KCTD20: variants seen among roughly 807,000 people sequenced by gnomAD.
KCTD20 encodes the protein BTB/POZ domain-containing protein KCTD20.
A neutral mutation model predicts 39.6 loss-of-function variants in KCTD20; 30 were observed. The ratio of observed to expected loss-of-function variants is 0.76; its 90% confidence interval spans 0.57 to 1.03. The LOEUF (loss-of-function observed/expected upper bound fraction) is 1.03, where lower values mean the gene tolerates loss of function less well. Ranked by LOEUF, KCTD20 falls within the 50% of genes least tolerant of loss-of-function variation. The probability of loss-of-function intolerance (pLI) is 0.00; values close to 1 mark genes in which losing one functional copy is unlikely to be tolerated. For synonymous variants in KCTD20, 162 were observed against 180.6 expected (o/e 0.90, Z 0.83); for missense variants, 422 against 522.0 (o/e 0.81, Z 1.87).
intron 3 of KCTD20, among the ~76,000 whole-genome samples, chr6:36,475,444 C>T (rs1220400089): frequency 4.7e-5 from 7 of 149,592 alleles, no homozygotes; most frequent in African/African-American, 9.9e-5. Context: ...GCAAGACTCC[C>T]GTCTCAAAAA....
intron 1 of KCTD20, among the ~76,000 whole-genome samples, chr6:36,460,505 A>G (rs931511271): frequency 4.6e-5 from 7 of 152,150 alleles, no homozygotes; most frequent in Non-Finnish European, 8.8e-5. Context: ...GGGTTTCACC[A>G]TGTTGGCCAG....
intron 6 of KCTD20, 113 bp from the exon 7 acceptor site, chr6:36,484,601 G>A: frequency 1.7e-6 from 1 of 575,784 alleles, no homozygotes; most frequent in Non-Finnish European, 3.1e-6. Context: ...GATCCATCTG[G>A]ATTATTTGGG....
intron 2 of KCTD20, among the ~76,000 whole-genome samples, chr6:36,471,457 C>A (rs1341527714): frequency 2.0e-5 from 3 of 152,152 alleles, no homozygotes; most frequent in African/African-American, 7.2e-5. Flanking sequence ...AGACTGACCA[C>A]AAGCCTAAAA....
intron 1 of KCTD20, among the ~76,000 whole-genome samples, chr6:36,455,546 C>T (rs2127433236): frequency 6.6e-6 from 1 of 152,202 alleles, no homozygotes; most frequent in Non-Finnish European, 1.5e-5. Flanking sequence ...TTGGGCTTAA[C>T]TTATTTGCTT....
chr6:36,468,886 T>G (rs576323153), intron 1 of KCTD20, among the ~76,000 whole-genome samples: 1 of 152,344 alleles, frequency 6.6e-6, no homozygotes, highest in South Asian at 2.1e-4. Flanking sequence ...ATCCATCCTA[T>G]CAAAGTGGTC....
At chr6:36,457,439 GACTC>G (rs1278885200) in intron 1 of KCTD20, among the ~76,000 whole-genome samples, 1 of 152,166 alleles carries the variant, frequency 6.6e-6, no homozygotes, top group African/African-American at 2.4e-5. Context: ...CGGGTACGGG[GACTC>G]ACGCCTATAA....
At chr6:36,479,473 A>T (rs528417185) in intron 4 of KCTD20, 118 bp from the exon 5 acceptor site, 3 of 946,112 alleles carry the variant, frequency 3.2e-6, no homozygotes, top group Non-Finnish European at 4.7e-6. Flanking sequence ...TGAATCATCC[A>T]ATTTGGTGAT....
chr6:36,479,170 G>A lies in KCTD20; in HGVS notation c.484G>A (p.Gly162Arg), dbSNP rs1649527104. 1.2e-6 allele frequency: 2 copies of A among 1,613,944 alleles called. No homozygotes were observed. Among genetic ancestry groups the A allele is most frequent in the South Asian group, 2.2e-5 (2 of 91,078 alleles). ...EYNFTRPNEK[G>R]EYEIAEGISA... is the part of the protein sequence containing the mutation. ...CAACTTCACTCGGCCCAATGAGAAG[G>A]GAGAGTATGAGATTGCTGAAGGCAT... The change falls in exon 4 of 8, where the codon GGA (glycine) becomes AGA (arginine). Residue 162 changes from glycine to arginine, a missense_variant. Transcript: ENST00000373731.
At chr6:36,453,665 C>T (rs1775339026) in intron 1 of KCTD20, among the ~76,000 whole-genome samples, 1 of 151,976 alleles carries the variant, frequency 6.6e-6, no homozygotes. Flanking sequence ...CAGGCATGCA[C>T]CACCACACCT....
chr6:36,450,056 T>C (rs184026488), intron 1 of KCTD20, among the ~76,000 whole-genome samples: 1 of 149,286 alleles, frequency 6.7e-6, no homozygotes, highest in African/African-American at 2.5e-5. Flanking sequence ...CCCAGCTACT[T>C]GGGAGGCTGA....
At chr6:36,478,259 C>T (rs1002334336) in intron 3 of KCTD20, among the ~76,000 whole-genome samples, 1 of 152,090 alleles carries the variant, frequency 6.6e-6, no homozygotes, top group African/African-American at 2.4e-5. Context: ...AGCTGCCTGC[C>T]CTATCCTTTG....
chr6:36,458,579 G>T lies in KCTD20; in HGVS notation c.-46-11473G>T, dbSNP rs6918232. 1.9e-3 allele frequency among the ~76,000 whole-genome samples: 276 copies of T among 148,500 alleles called. 1 individual carries two copies. Among genetic ancestry groups the T allele is most frequent in the African/African-American group, 6.5e-3 (261 of 40,294 alleles). On this transcript the variant is annotated intron_variant, in intron 1 of 7. Transcript: ENST00000373731. ...AAAAAAAGAAAAGAAAGAAAGGTCT[G>T]GCTATGTTGCCCAGGCTGGTCTTGA...
chr6:36,479,703 A>C lies in KCTD20; in HGVS notation c.650A>C (p.Gln217Pro). 1 of 1,607,172 alleles carries C rather than the reference A, an allele frequency of 6.2e-7. No homozygotes were observed. Among genetic ancestry groups the C allele is most frequent in the Non-Finnish European group, 8.5e-7 (1 of 1,178,278 alleles). Reference sequence around the variant, plus strand: ...TTTGACTTCAACACTATCCGATGTCAAGATCTGAGTAAGTACAGGAGCAGG... The same window carrying C: ...TTTGACTTCAACACTATCCGATGTCCAGATCTGAGTAAGTACAGGAGCAGG... ...INFDFNTIRC[Q>P]DLSALLHELS... Residue 217 changes from glutamine (Q) to proline (P), a missense_variant, in exon 5 of 8, where the codon CAA (glutamine) becomes CCA (proline). Transcript: ENST00000373731.
intron 1 of KCTD20, among the ~76,000 whole-genome samples, chr6:36,444,605 A>G (rs1774983062): frequency 6.6e-6 from 1 of 152,110 alleles, no homozygotes; most frequent in African/African-American, 2.4e-5. Context: ...CTTGACTGTC[A>G]TATTATCTGG....
chr6:36,445,279 A>G (rs1242937420), intron 1 of KCTD20, among the ~76,000 whole-genome samples: 2 of 151,996 alleles, frequency 1.3e-5, no homozygotes, highest in Non-Finnish European at 2.9e-5. Context: ...AAAAAAAAAA[A>G]AAATCTGTAA....
intron 1 of KCTD20, among the ~76,000 whole-genome samples, chr6:36,452,999 CTTTTTTTTTTTTTT>C (rs59865602): frequency 1.7e-5 from 1 of 58,158 alleles, no homozygotes; most frequent in African/African-American, 7.0e-5. Context: ...GTTTTCTTAG[CTTTTTTTTTTTTTT>C]TTTTTTTTTT....
chr6:36,445,248 T>A (rs1775003775), intron 1 of KCTD20, among the ~76,000 whole-genome samples: 1 of 118,888 alleles, frequency 8.4e-6, no homozygotes. Flanking sequence ...GGCAACAGAG[T>A]GAGACTCCGT....
intron 1 of KCTD20, among the ~76,000 whole-genome samples, chr6:36,452,352 T>C (rs986749698): frequency 2.6e-5 from 4 of 152,186 alleles, no homozygotes; most frequent in African/African-American, 4.8e-5. Flanking sequence ...CTTTACTAGA[T>C]ATAGGACTTT....
At chr6:36,468,173 A>C (rs370452810) in intron 1 of KCTD20, among the ~76,000 whole-genome samples, 47 of 152,346 alleles carry the variant, frequency 3.1e-4, no homozygotes, top group South Asian at 1.2e-3. Context: ...AAGTGCTGAG[A>C]AAGTTACTTT....
Sources: gnomAD v4.1 joint callset for allele counts (sites outside exome capture counted in the v4.1 genomes callset) on GRCh38, gnomAD v4.1.1 for gene constraint, MANE v1.5 for transcripts, NCBI Gene and HGNC (gene_info 2026-07-23, HGNC 2026-07-21) for gene names.